Variants in ZBBX observed in about 807,000 individuals in gnomAD.
ZBBX encodes the protein zinc finger B-box domain containing, also known as zinc finger B-box domain-containing protein 1.
In ZBBX, 101 loss-of-function variants were observed where a neutral mutation model predicts 108.5. The observed-to-expected ratio is 0.93, with a 90% CI of 0.79 to 1.10. The LOEUF is 1.10. Among genes scored for constraint, ZBBX ranks in the 50% least tolerant of loss-of-function variants. The probability of loss-of-function intolerance (pLI) is 0.00; values close to 1 mark genes in which losing one functional copy is unlikely to be tolerated. For synonymous variants in ZBBX, 356 were observed against 323.4 expected (o/e 1.10, Z -1.08); for missense variants, 1,009 against 941.4 (o/e 1.07, Z -0.94).
At chr3:167,316,661 G>A (rs1397407262) in intron 14 of ZBBX, among the ~76,000 whole-genome samples, 2 of 151,964 alleles carry the variant, frequency 1.3e-5, no homozygotes, top group African/African-American at 2.4e-5. Context: ...ACCATGTAAC[G>A]AGACTGATAT....
chr3:167,297,828 A>G (rs1372918128), intron 18 of ZBBX, among the ~76,000 whole-genome samples: 1 of 151,982 alleles, frequency 6.6e-6, no homozygotes, highest in Non-Finnish European at 1.5e-5. Flanking sequence ...TCTAAGCTAC[A>G]ATATTGTACC....
chr3:167,346,500 C>G (rs1216115699), intron 9 of ZBBX, among the ~76,000 whole-genome samples: 1 of 151,864 alleles, frequency 6.6e-6, no homozygotes. Flanking sequence ...CAGTTTACAA[C>G]TATCAAATTT....
At chr3:167,340,474 T>C (rs558673090) in intron 9 of ZBBX, among the ~76,000 whole-genome samples, 1 of 152,198 alleles carries the variant, frequency 6.6e-6, no homozygotes, top group Non-Finnish European at 1.5e-5. Flanking sequence ...ATGAAAAAGG[T>C]GAGCATTATC....
At chr3:167,195,183 T>C in the ZBBX span, among the ~76,000 whole-genome samples, 1 of 152,092 alleles carries the variant, frequency 6.6e-6, no homozygotes, top group African/African-American at 2.4e-5. Flanking sequence ...GGGAGGATAA[T>C]CAGTGACAGC....
chr3:167,378,275 C>T (rs887658099), intron 2 of ZBBX, among the ~76,000 whole-genome samples: 20 of 152,136 alleles, frequency 1.3e-4, no homozygotes, highest in Non-Finnish European at 2.5e-4. Flanking sequence ...CTAAATGGTA[C>T]CCAAGTTGCC....
chr3:167,313,870 T>C, intron 16 of ZBBX, 104 bp downstream of exon 16: 1 of 1,097,560 alleles, frequency 9.1e-7, no homozygotes, highest in South Asian at 2.7e-5. Context: ...GTACTGAGGT[T>C]TTTTTGGTTT....
chr3:167,388,498 T>G lies in ZBBX; in HGVS notation c.-445-8093A>C, dbSNP rs567467137. On this transcript the variant is annotated intron_variant, in intron 1 of 21. Coordinates refer to the ZBBX transcript ENST00000455345. ...ACAGGGAGATCAGTGAGAATATTAA[T>G]GCAATCTTCCAGAAAAGACAATCAC... Among the ~76,000 whole-genome samples, 10 of 152,054 alleles carry G rather than the reference T, an allele frequency of 6.6e-5. 1 individual carries two copies. The South Asian group carries it at 1.7e-3, about 25-fold the overall frequency.
intron 17 of ZBBX, among the ~76,000 whole-genome samples, chr3:167,302,419 C>G (rs1278578707): frequency 1.3e-5 from 2 of 152,010 alleles, no homozygotes; most frequent in African/African-American, 4.8e-5. Flanking sequence ...TAATGGTCCC[C>G]TTTACCCTGA....
chr3:167,183,631 T>C, the ZBBX span, among the ~76,000 whole-genome samples: 4 of 152,144 alleles, frequency 2.6e-5, no homozygotes, highest in African/African-American at 9.7e-5. Flanking sequence ...TTAACTAAAA[T>C]GGGAAACTAA....
At chr3:167,387,776 G>A (rs1236510481) in intron 1 of ZBBX, among the ~76,000 whole-genome samples, 1 of 151,956 alleles carries the variant, frequency 6.6e-6, no homozygotes, top group African/African-American at 2.4e-5. Flanking sequence ...AGTGAAAGGA[G>A]CTATTAGTTA....
chr3:167,285,904 A>G (rs1032581673), intron 19 of ZBBX, among the ~76,000 whole-genome samples: 3 of 152,176 alleles, frequency 2.0e-5, no homozygotes, highest in African/African-American at 4.8e-5. Context: ...AGATACCCCA[A>G]TGAACAGGAC....
At chr3:167,405,712 C>T (rs116521573) in intron 1 of ZBBX, among the ~76,000 whole-genome samples, 2,056 of 152,196 alleles carry the variant, frequency 0.014, 50 homozygotes, top group African/African-American at 0.047. Flanking sequence ...AAGCTGGTAC[C>T]ACCAATAATT....
At chr3:167,367,973 TATATATATATATATAC>T (rs945901786) in intron 5 of ZBBX, among the ~76,000 whole-genome samples, 3 of 17,820 alleles carry the variant, frequency 1.7e-4, no homozygotes, top group African/African-American at 4.9e-4. Context: ...TATATGTATA[TATATATATATATATAC>T]ATATATATAT....
At chr3:167,210,598 G>A in the ZBBX span, among the ~76,000 whole-genome samples, 3 of 151,944 alleles carry the variant, frequency 2.0e-5, no homozygotes, top group Non-Finnish European at 2.9e-5. Flanking sequence ...AGAAGACTAC[G>A]TCAAAATATT....
At chr3:167,351,371 G>A (rs929921277) in intron 8 of ZBBX, among the ~76,000 whole-genome samples, 3 of 152,130 alleles carry the variant, frequency 2.0e-5, no homozygotes, top group African/African-American at 7.2e-5. Context: ...CTATAGACAG[G>A]AGCCAAAGTA....
Position 167,348,358 on chromosome 3 carries a change from A to AAGAAAGAAAGAAAG in ZBBX, c.528+2061_528+2062insCTTTCTTTCTTTCT, listed in dbSNP as rs1553832924. On this transcript the variant is annotated intron_variant, in intron 9 of 21. Coordinates refer to ENST00000675490, the MANE Select transcript of ZBBX (RefSeq NM_001199201.2). ...AAAGAAAGAAAGAAAGAAAGAAAGA[A>AAGAAAGAAAGAAAG]AGAAAGAAAGAAAAAAAAGAAAAGA... 1.1e-3 allele frequency among the ~76,000 whole-genome samples: 160 copies of AAGAAAGAAAGAAAG among 144,296 alleles called. 7 individuals carry two copies. Among genetic ancestry groups the AAGAAAGAAAGAAAG allele is most frequent in the Admixed American group, 7.5e-3 (108 of 14,444 alleles). The allele number at this position is 144,296 out of a possible 152,430, so 94.7% of individuals were successfully genotyped here.
intron 10 of ZBBX, chr3:167,331,540 T>C (rs1216852556): frequency 1.0e-6 from 1 of 984,388 alleles, no homozygotes; most frequent in African/African-American, 1.7e-5. Flanking sequence ...GACATTTTCA[T>C]ATTGGAGTTA....
chr3:167,299,559 T>TA (rs1732285709), intron 17 of ZBBX, among the ~76,000 whole-genome samples: 1 of 152,144 alleles, frequency 6.6e-6, no homozygotes, highest in Non-Finnish European at 1.5e-5. Flanking sequence ...AGCACAAACT[T>TA]ACAAAGTTAA....
intron 9 of ZBBX, among the ~76,000 whole-genome samples, chr3:167,337,893 A>C (rs1034892184): frequency 6.6e-6 from 1 of 152,204 alleles, no homozygotes; most frequent in Non-Finnish European, 1.5e-5. Context: ...AATATTTTCA[A>C]ATGTTAAAAC....
Sources: allele counts gnomAD v4.1 joint callset (sites outside exome capture counted in the v4.1 genomes callset), GRCh38; gene constraint gnomAD v4.1.1; transcripts MANE v1.5; gene names NCBI Gene and HGNC (gene_info 2026-07-23, HGNC 2026-07-21).